Variants in MDN1 observed in about 807,000 individuals in gnomAD.
The protein encoded by MDN1 is midasin AAA ATPase 1.
A neutral mutation model predicts 669.2 loss-of-function variants in MDN1; 266 were observed. That is an observed-to-expected ratio of 0.40 (90% confidence interval 0.36 to 0.44). MDN1 has a LOEUF of 0.44. Among genes scored for constraint, MDN1 ranks in the 20% least tolerant of loss-of-function variants. The pLI, the probability that MDN1 is intolerant of heterozygous loss-of-function variation, is 1.00. For missense variants in MDN1, 5,940 were observed against 6,754.0 expected (o/e 0.88, Z 4.22); for synonymous variants, 2,385 against 2,457.1 (o/e 0.97, Z 0.87).
rs377705590 is a variant in MDN1, at chr6:89,650,681, A to C, written c.16031+51T>G. 7.9e-6 allele frequency: 11 copies of C among 1,388,648 alleles called. No homozygotes were observed. In the African/African-American group the frequency reaches 1.6e-4, roughly 20 times the overall value. The allele number at this position is 1,388,648 out of a possible 1,614,324, so 86.0% of individuals were successfully genotyped here. Reference sequence around the variant, plus strand: ...GTGCCGCGTTCAACAGAATCAATGAAGCTGCCGTCTTCTCAGGGCACTGTG... The same window carrying C: ...GTGCCGCGTTCAACAGAATCAATGACGCTGCCGTCTTCTCAGGGCACTGTG... On this transcript the variant is annotated intron_variant, in intron 96 of 101. Coordinates refer to ENST00000369393, the MANE Select transcript of MDN1 (RefSeq NM_014611.3).
rs1809899112 is a variant in MDN1, at chr6:89,662,853, T to G, written c.14351A>C (p.Glu4784Ala). The part of the protein sequence containing the change: ...LDERLWGDDD[E>A]EEDEEEEDNK... ...GTCTTCTTCCTCCTCATCTTCCTCC[T>G]CATCATCATCACCCCAAAGCCTCTC... Residue 4784 changes from glutamate to alanine, a missense_variant, in exon 86 of 102, where the codon GAG (glutamate) becomes GCG (alanine). Glu to Ala is a moderately radical substitution (Grantham distance 107, BLOSUM62 -1). Coordinates refer to ENST00000369393, the MANE Select transcript of MDN1 (RefSeq NM_014611.3). The G allele has an allele frequency of 2.5e-6, 4 of 1,612,730 alleles. No homozygotes were observed. The highest frequency in any genetic ancestry group is 2.5e-6 in the Non-Finnish European group (3 of 1,178,950).
chr6:89,810,378 G>C (rs1435262996), intron 1 of MDN1, among the ~76,000 whole-genome samples: 1 of 152,118 alleles, frequency 6.6e-6, no homozygotes, highest in Non-Finnish European at 1.5e-5. Context: ...AGAGGGTGCA[G>C]TGAACCGAGA....
At position 89,664,664 on chromosome 6, in the gene MDN1, CTT is replaced by C. The variant is rs771720605; in HGVS notation, c.14095-38_14095-37del. The stretch of plus-strand genomic sequence containing the variant: ...AAGTATTAAACATAAATAAATGAAA[CTT>C]TACCAATGTTTGCTTCAGCTGTGAG... On this transcript the variant is annotated intron_variant, in intron 84 of 101. Transcript: ENST00000369393. 6.7e-5 allele frequency: 103 copies of C among 1,542,654 alleles called. No individual in the cohort carries two copies. In the Middle Eastern group the frequency reaches 6.8e-4, roughly 10 times the overall value.
intron 101 of MDN1, 137 bp downstream of exon 101, chr6:89,644,878 A>G: frequency 2.2e-6 from 2 of 903,162 alleles, no homozygotes; most frequent in Non-Finnish European, 3.2e-6. Flanking sequence ...AAGTGCCTAC[A>G]ATGGTACTTG....
intron 71 of MDN1, 75 bp downstream of exon 71, chr6:89,684,801 G>T: frequency 2.2e-6 from 2 of 922,134 alleles, no homozygotes; most frequent in East Asian, 2.5e-5. Context: ...AGTGTTAAAT[G>T]GATAACAGGG....
intron 83 of MDN1, 82 bp downstream of exon 83, chr6:89,670,837 A>G: frequency 6.9e-7 from 1 of 1,442,626 alleles, no homozygotes. Context: ...TCCAAAATAA[A>G]AGCCTATCAC....
chr6:89,702,843 GTTTTC>G (rs1813245458), intron 53 of MDN1, among the ~76,000 whole-genome samples: 1 of 151,466 alleles, frequency 6.6e-6, no homozygotes, highest in Admixed American at 6.6e-5. Flanking sequence ...CTTCTCCTAC[GTTTTC>G]TTTTAGCCAG....
chr6:89,814,030 G>C (rs1241459432), intron 1 of MDN1, among the ~76,000 whole-genome samples: 2 of 151,762 alleles, frequency 1.3e-5, no homozygotes, highest in African/African-American at 4.8e-5. Context: ...TTGAACCTAG[G>C]ATGTCAAGGC....
In MDN1 at chr6:89,690,159, G is replaced by A. The variant is rs754056700; in HGVS notation, c.10750-16C>T. ...CTGCAAAGTCCTATAAATAGCATTA[G>A]AGCAATTGAACTTTTAAAAATCAGA... On this transcript the variant is annotated splice_polypyrimidine_tract_variant and intron_variant, in intron 64 of 101. Coordinates refer to ENST00000369393, the MANE Select transcript of MDN1 (RefSeq NM_014611.3). The A allele has an allele frequency of 1.9e-6, 3 of 1,607,948 alleles. No individual in the cohort carries two copies. The Admixed American group carries it at 5.1e-5, about 27-fold the overall frequency.
In MDN1 at chr6:89,707,439, T is replaced by G. The variant is rs781522956; in HGVS notation, c.7936A>C (p.Thr2646Pro). 1 of 1,613,904 alleles carries G rather than the reference T, an allele frequency of 6.2e-7. No individual in the cohort carries two copies. Among genetic ancestry groups the G allele is most frequent in the Non-Finnish European group, 8.5e-7 (1 of 1,179,804 alleles). ...CCAACAGAAACCAAATTTGCTTCAG[T>G]AAAAACCCGTTTTTCCCGGTCAAGA... ...IYLDREKRVF[T>P]EANLVSVGSK... Residue 2646 changes from threonine (T) to proline (P), a missense_variant, in exon 52 of 102, where the codon ACT becomes CCT. Around this residue, in one of 5 missense-constraint regions of MDN1, gnomAD observed 2,292 missense variants for 2,638.3 expected, o/e 0.87. Transcript: ENST00000369393.
In MDN1 at chr6:89,662,098, G is replaced by C; in HGVS notation, c.14554C>G (p.Gln4852Glu). Reference protein sequence around the residue: ...GGQGEDKINEQIDERDYDENE... With the variant: ...GGQGEDKINEEIDERDYDENE... ...CAAATCTTCATTACCTCATCTATTTGTTCATTAATTTTGTCTTCACCTTGT... is the reference window on the plus strand; with the variant it reads ...CAAATCTTCATTACCTCATCTATTTCTTCATTAATTTTGTCTTCACCTTGT... Residue 4852 changes from glutamine (Q) to glutamate (E), a missense_variant, in exon 87 of 102, where the codon CAA becomes GAA. Transcript: ENST00000369393. 1.2e-6 allele frequency: 2 copies of C among 1,611,604 alleles called. No homozygotes were observed.
In MDN1 at chr6:89,758,310, T is replaced by C. The variant is rs1246836903; in HGVS notation, c.2647A>G (p.Met883Val). 1.2e-6 allele frequency: 2 copies of C among 1,612,076 alleles called. No homozygotes were observed. Among genetic ancestry groups the C allele is most frequent in the African/African-American group, 1.3e-5 (1 of 75,052 alleles). Residue 883 changes from methionine to valine, a missense_variant, in exon 19 of 102, where the codon ATG becomes GTG. This residue lies in a region of MDN1 where 1,203 missense variants were observed against 1,268.9 expected (regional missense o/e 0.95). Transcript: ENST00000369393. ...RHPDFRLFAC[M>V]NPATDVGKRN... The stretch of plus-strand genomic sequence containing the variant: ...TTGCCTACATCAGTTGCTGGATTCA[T>C]ACAGGCAAATAAACGGAAGTCAGGA...
chr6:89,781,654 A>T, intron 9 of MDN1, 62 bp from the exon 10 acceptor site: 2 of 1,421,372 alleles, frequency 1.4e-6, no homozygotes, highest in Non-Finnish European at 1.9e-6. Context: ...GAAAGCACAC[A>T]AACTACTGCT....
At chr6:89,742,629 T>C (rs1816352008) in intron 31 of MDN1, among the ~76,000 whole-genome samples, 1 of 152,212 alleles carries the variant, frequency 6.6e-6, no homozygotes, top group Non-Finnish European at 1.5e-5. Context: ...TTTTATGATA[T>C]GTAAACTATA....
intron 24 of MDN1, 84 bp from the exon 25 acceptor site, chr6:89,749,835 G>T (rs900666142): frequency 3.6e-6 from 4 of 1,099,958 alleles, no homozygotes; most frequent in Non-Finnish European, 5.3e-6. Flanking sequence ...ACAAATCCTA[G>T]GTTATCATCA....
chr6:89,803,890 C>CTTTCTTTTT lies in MDN1; in HGVS notation c.103-337_103-336insAAAAAGAAA, dbSNP rs377468650. Among the ~76,000 whole-genome samples, 143 of 93,148 alleles carry CTTTCTTTTT rather than the reference C, an allele frequency of 1.5e-3. 6 individuals are homozygous for CTTTCTTTTT. The highest frequency in any genetic ancestry group is 3.2e-3 in the African/African-American group (77 of 24,382). 61.1% of individuals were successfully genotyped at this position (93,148 alleles called of 152,430 possible). A position where few individuals can be genotyped will look rare whatever the true frequency, so the allele number is the denominator to read the frequency against. ...GCCACCGCGCCCGGCCTTTTCTTTT[C>CTTTCTTTTT]TTTTCTTTTTTTTTTTTTTTTTTTT... On this transcript the variant is annotated intron_variant, in intron 1 of 101. Coordinates refer to ENST00000369393, the MANE Select transcript of MDN1 (RefSeq NM_014611.3).
chr6:89,694,707 CT>C (rs78727881), intron 61 of MDN1, among the ~76,000 whole-genome samples: 176 of 142,072 alleles, frequency 1.2e-3, no homozygotes, highest in Middle Eastern at 3.6e-3. Flanking sequence ...CCACACCCAG[CT>C]TTTTTTTTTT....
chr6:89,768,610 G>A (rs376622476), intron 15 of MDN1, among the ~76,000 whole-genome samples: 10 of 152,120 alleles, frequency 6.6e-5, no homozygotes, highest in African/African-American at 2.4e-4. Context: ...GGTGGTGCAC[G>A]TCTGTAGTCC....
chr6:89,771,037 A>C (rs1340793289), intron 15 of MDN1, among the ~76,000 whole-genome samples: 1 of 152,184 alleles, frequency 6.6e-6, no homozygotes, highest in Admixed American at 6.5e-5. Flanking sequence ...TAGAGAGACT[A>C]AGATGAGCAA....
Sources: gnomAD v4.1 joint callset for allele counts (sites outside exome capture counted in the v4.1 genomes callset) on GRCh38, gnomAD v4.1.1 for gene constraint, gnomAD v4.1.1 regional missense constraint, MANE v1.5 for transcripts, NCBI Gene and HGNC (gene_info 2026-07-23, HGNC 2026-07-21) for gene names.